Variants in SH3TC1 observed in about 807,000 individuals in gnomAD.
SH3TC1 encodes the protein SH3 domain and tetratricopeptide repeat-containing protein 1.
In SH3TC1, 135 loss-of-function variants were observed where a neutral mutation model predicts 117.3. That is an observed-to-expected ratio of 1.15 (90% CI 1.00 to 1.33). SH3TC1 has a LOEUF of 1.33. Among genes scored for constraint, SH3TC1 ranks in the 40% most tolerant of loss-of-function variants. The pLI is 0.00. For missense variants in SH3TC1, 2,092 were observed against 1,794.3 expected, an observed-to-expected ratio of 1.17 and a Z score of -3.00; for synonymous variants, 898 against 816.9, an observed-to-expected ratio of 1.10 and a Z score of -1.69.
At position 8,205,521 on chromosome 4, in the gene SH3TC1, C is replaced by T. The variant is rs771552545; in HGVS notation, c.172+155C>T. On this transcript the variant is annotated intron_variant, in intron 2 of 17. Transcript: ENST00000245105. This position sits in a 1 kb window ranked among gnomAD's most constrained non-coding sequence, Gnocchi z 5.4. ...TCCATCACTTCTCGTTTCCTTCCCC[C>T]GCGTGTGTTTAACAGGAGCCACTGT... 38 of 1,085,310 alleles carry T rather than the reference C, an allele frequency of 3.5e-5. No individual in the cohort carries two copies. Among genetic ancestry groups the T allele is most frequent in the African/African-American group, 6.2e-5 (4 of 64,706 alleles). 67.2% of individuals were successfully genotyped at this position (1,085,310 alleles called of 1,614,324 possible). A position where few individuals can be genotyped will look rare whatever the true frequency, so the allele number is the denominator to read the frequency against.
intron 1 of SH3TC1, among the ~76,000 whole-genome samples, chr4:8,189,239 C>A (rs966196877): frequency 6.6e-6 from 1 of 152,266 alleles, no homozygotes; most frequent in African/African-American, 2.4e-5. Context: ...GTGCTGGGCA[C>A]GTGGCCCACA....
chr4:8,237,719 G>C (rs1315980458), intron 17 of SH3TC1, 49 bp downstream of exon 17: 7 of 1,532,636 alleles, frequency 4.6e-6, no homozygotes. Context: ...CCCTTGGAGT[G>C]GGATCTCCAC....
chr4:8,227,204 C>T lies in SH3TC1; in HGVS notation c.1510C>T (p.Leu504=), dbSNP rs576264827. The T allele has an allele frequency of 1.0e-5, 16 of 1,565,198 alleles. No individual in the cohort carries two copies. The South Asian group carries it at 1.5e-4, about 15-fold the overall frequency. ...EDPEALSSLL[L]FLNAPGYKAS... ...CCCAGAGGCCCTGAGCTCACTGCTG[C>T]TGTTCCTGAACGCCCCTGGGTACAA... Residue 504 remains leucine (L), a synonymous_variant, in exon 12 of 18, where the codon CTG becomes TTG. Coordinates refer to ENST00000245105, the MANE Select transcript of SH3TC1 (RefSeq NM_018986.5).
At chr4:8,195,493 G>A (rs1376628270), upstream of SH3TC1, among the ~76,000 whole-genome samples, 1 of 152,154 alleles carries the variant, frequency 6.6e-6, no homozygotes, top group Non-Finnish European at 1.5e-5. Context: ...GTGTGGAGTC[G>A]GGGTGCTCTG....
At position 8,236,329 on chromosome 4, in the gene SH3TC1, C is replaced by T. The variant is rs141641395; in HGVS notation, c.3457C>T (p.Arg1153Trp). The change falls in exon 16 of 18, where the codon CGG becomes TGG. Residue 1153 changes from arginine to tryptophan, a missense_variant. Physicochemically the swap from Arg to Trp is moderately radical, Grantham distance 101. Transcript: ENST00000245105. ...TACGGGCAACCGCAAGGCGGAGCTG[C>T]GGCTGTGCAACAAGCTGGTGGCACT... ...VTTGNRKAEL[R>W]LCNKLVALLA... 1.8e-5 allele frequency: 28 copies of T among 1,553,420 alleles called. No homozygotes were observed. Among genetic ancestry groups the T allele is most frequent in the Middle Eastern group, 1.8e-4 (1 of 5,418 alleles).
Position 8,183,752 on chromosome 4 carries a change from A to G in SH3TC1, c.-57+1542A>G, listed in dbSNP as rs772422709. Reference sequence around the variant, plus strand: ...TACATTTGTCATAACTAATGAGCCAATACCACCAATGCCTGATTACCAGCT... The same window carrying G: ...TACATTTGTCATAACTAATGAGCCAGTACCACCAATGCCTGATTACCAGCT... On this transcript the variant is annotated intron_variant, in intron 1 of 16. Transcript: ENST00000508641. This position sits in a 1 kb window ranked among gnomAD's most constrained non-coding sequence, Gnocchi z 5.4. Among the ~76,000 whole-genome samples, 14 of 152,152 alleles carry G rather than the reference A, an allele frequency of 9.2e-5. No individual in the cohort carries two copies. Among genetic ancestry groups the G allele is most frequent in the Non-Finnish European group, 1.9e-4 (13 of 68,018 alleles).
At chr4:8,237,730 C>T (rs1578758245) in intron 17 of SH3TC1, 60 bp downstream of exon 17, 2 of 1,503,328 alleles carry the variant, frequency 1.3e-6, no homozygotes, top group South Asian at 2.6e-5. Context: ...GGATCTCCAC[C>T]CAGACCCCTG....
chr4:8,204,187 G>A (rs1427187668), intron 1 of SH3TC1, among the ~76,000 whole-genome samples: 1 of 152,208 alleles, frequency 6.6e-6, no homozygotes, highest in East Asian at 1.9e-4. Context: ...CCACTGAGGG[G>A]CTTCAAGCCA....
At chr4:8,198,631 G>A (rs1717640913), upstream of SH3TC1, among the ~76,000 whole-genome samples, 6 of 152,368 alleles carry the variant, frequency 3.9e-5, no homozygotes, top group South Asian at 1.0e-3. Context: ...CTCAAACCTG[G>A]CTCAGGCCTG....
chr4:8,195,359 C>A (rs1481449479), upstream of SH3TC1, among the ~76,000 whole-genome samples: 1 of 152,160 alleles, frequency 6.6e-6, no homozygotes, highest in Non-Finnish European at 1.5e-5. Context: ...TCGGACAGGT[C>A]CTCTGGCAGG....
intron 16 of SH3TC1, 55 bp from the exon 17 acceptor site, chr4:8,237,419 A>G (rs1721915361): frequency 2.1e-6 from 3 of 1,428,914 alleles, no homozygotes; most frequent in East Asian, 2.6e-5. Context: ...CGGGGTCTGC[A>G]TGCCTGCCCC....
intron 14 of SH3TC1, among the ~76,000 whole-genome samples, chr4:8,234,071 CATTT>C (rs1371017389): frequency 1.3e-5 from 2 of 151,306 alleles, no homozygotes; most frequent in South Asian, 2.1e-4. Context: ...ATCATCCATC[CATTT>C]ATTCATCCAT....
rs199884098 is a variant in SH3TC1 at position 8,205,583 on chromosome 4, G to A, written c.172+217G>A. The A allele has an allele frequency of 1.2e-3, 942 of 797,802 alleles. 1 individual carries two copies. The highest frequency in any genetic ancestry group is 3.5e-3 in the Middle Eastern group (16 of 4,530). The allele number at this position is 797,802 out of a possible 1,614,324, so 49.4% of individuals were successfully genotyped here. On this transcript the variant is annotated intron_variant, in intron 2 of 17. Transcript: ENST00000245105. This position sits in a 1 kb window ranked among gnomAD's most constrained non-coding sequence, Gnocchi z 5.4. ...CACTTGAGAGGCCAGGGCCCAGCTC[G>A]TGTTTTTCCAGGGACGCGTCAGTGA...
At position 8,227,061 on chromosome 4, in the gene SH3TC1, G is replaced by T. The variant is rs773002752; in HGVS notation, c.1367G>T (p.Cys456Phe). 2 of 1,607,420 alleles carry T rather than the reference G, an allele frequency of 1.2e-6. No homozygotes were observed. The highest frequency in any genetic ancestry group is 1.1e-5 in the South Asian group (1 of 90,460). ...AATGTTCTGGAACAATGCAAGACCTGCCCAGGCTGCCCCCAGGAGCCAGCG... is the reference window on the plus strand; with the variant it reads ...AATGTTCTGGAACAATGCAAGACCTTCCCAGGCTGCCCCCAGGAGCCAGCG... ...VKNVLEQCKT[C>F]PGCPQEPASW... Residue 456 changes from cysteine to phenylalanine, a missense_variant, in exon 12 of 18, where the codon TGC (cysteine) becomes TTC (phenylalanine). Transcript: ENST00000245105.
intron 1 of SH3TC1, among the ~76,000 whole-genome samples, chr4:8,187,595 A>G (rs1388248818): frequency 2.1e-5 from 3 of 145,952 alleles, no homozygotes; most frequent in African/African-American, 7.7e-5. Context: ...CTCTATCACC[A>G]GGCTGGAGTG....
chr4:8,182,624 C>T (rs1223934399), intron 1 of SH3TC1, among the ~76,000 whole-genome samples: 5 of 152,166 alleles, frequency 3.3e-5, no homozygotes, highest in Admixed American at 6.5e-5. Context: ...TTCCACCCTC[C>T]GTGCCTCAGT....
intron 12 of SH3TC1, among the ~76,000 whole-genome samples, chr4:8,230,069 G>A (rs1318045137): frequency 6.6e-6 from 1 of 152,026 alleles, no homozygotes; most frequent in African/African-American, 2.4e-5. Flanking sequence ...GCGTTGAACA[G>A]TCGAGAAGAC....
chr4:8,203,271 C>T (rs1320597275), intron 1 of SH3TC1, among the ~76,000 whole-genome samples: 1 of 120,290 alleles, frequency 8.3e-6, no homozygotes, highest in African/African-American at 2.6e-5. Flanking sequence ...GACAGGTGTG[C>T]GGGTGCGTGT....
chr4:8,238,636 TG>T (rs914316431), intron 17 of SH3TC1, among the ~76,000 whole-genome samples: 17 of 151,994 alleles, frequency 1.1e-4, no homozygotes, highest in Non-Finnish European at 2.2e-4. Context: ...GGACACCTGG[TG>T]GTCAGAAGCG....
Sources: gnomAD v4.1 joint callset for allele counts (sites outside exome capture counted in the v4.1 genomes callset) on GRCh38, gnomAD v4.1.1 for gene constraint, Gnocchi (gnomAD v3.1) non-coding constraint, MANE v1.5 for transcripts, NCBI Gene and HGNC (gene_info 2026-07-23, HGNC 2026-07-21) for gene names.